The following NEK6 variants were observed in gnomAD, a reference collection of about 807,000 sequenced individuals.
NEK6 encodes the protein NIMA related kinase 6.
NEK6 carries 27 observed loss-of-function variants against 43.5 expected under a neutral mutation model. The ratio of observed to expected loss-of-function variants is 0.62; its 90% CI spans 0.46 to 0.86. NEK6 has a LOEUF of 0.86. Ranked by LOEUF, NEK6 falls within the 40% of genes least tolerant of loss-of-function variation. The probability of loss-of-function intolerance (pLI) is 0.00; values close to 1 mark genes in which losing one functional copy is unlikely to be tolerated. For missense variants in NEK6, 318 were observed against 414.4 expected (o/e 0.77, Z 2.02); for synonymous variants, 167 against 164.1 (o/e 1.02, Z -0.14).
chr9:124,310,026 C>G (rs554381478), intron 2 of NEK6, among the ~76,000 whole-genome samples: 1 of 152,260 alleles, frequency 6.6e-6, no homozygotes, highest in African/African-American at 2.4e-5. Context: ...GAGGCTGGAG[C>G]AGGAAGTGGC....
intron 1 of NEK6, among the ~76,000 whole-genome samples, chr9:124,276,212 A>G (rs572722425): frequency 1.3e-5 from 2 of 152,252 alleles, no homozygotes; most frequent in African/African-American, 4.8e-5. Context: ...ATCAGGGAGT[A>G]AAGAATTCTG....
At chr9:124,332,701 G>A (rs1371467539) in intron 7 of NEK6, among the ~76,000 whole-genome samples, 6 of 152,144 alleles carry the variant, frequency 3.9e-5, no homozygotes, top group African/African-American at 4.8e-5. Flanking sequence ...TTCAAACACC[G>A]AGAGCATTTC....
At chr9:124,322,341 C>T (rs1201041556) in intron 5 of NEK6, among the ~76,000 whole-genome samples, 19 of 152,326 alleles carry the variant, frequency 1.2e-4, no homozygotes, top group Non-Finnish European at 4.4e-5. Flanking sequence ...TCACCTGCCT[C>T]ATCCCACCAC....
At chr9:124,308,559 G>A (rs1211670894) in intron 2 of NEK6, among the ~76,000 whole-genome samples, 2 of 152,132 alleles carry the variant, frequency 1.3e-5, no homozygotes, top group Non-Finnish European at 2.9e-5. Flanking sequence ...GGGAGGCTGA[G>A]GCAGGAGAAT....
chr9:124,312,661 AC>A lies in NEK6; in HGVS notation c.231+15del. 1 of 1,607,796 alleles carries A rather than the reference AC, an allele frequency of 6.2e-7. No homozygotes were observed. Among genetic ancestry groups the A allele is most frequent in the Non-Finnish European group, 8.5e-7 (1 of 1,175,570 alleles). On this transcript the variant is annotated intron_variant, in intron 3 of 9. Coordinates refer to ENST00000320246, the MANE Select transcript of NEK6 (RefSeq NM_014397.6). Reference sequence around the variant, plus strand: ...TGAAGAAGGTGCAGGTGAGCTGACAACCCGTGGGGTCAAACCTGCATCTCGG... The same window carrying A: ...TGAAGAAGGTGCAGGTGAGCTGACAACCGTGGGGTCAAACCTGCATCTCGG...
At chr9:124,301,902 G>T (rs1373435037) in intron 1 of NEK6, 34 bp from the exon 2 acceptor site, 6 of 1,517,012 alleles carry the variant, frequency 4.0e-6, no homozygotes, top group South Asian at 1.2e-5. Flanking sequence ...GGGTCTCAAA[G>T]AGAAAGTGAA....
intron 1 of NEK6, among the ~76,000 whole-genome samples, chr9:124,283,539 G>C (rs1588456579): frequency 6.6e-6 from 1 of 152,208 alleles, no homozygotes; most frequent in South Asian, 2.1e-4. Flanking sequence ...GTCATGTGCA[G>C]GGAGCCCTGG....
intron 9 of NEK6, among the ~76,000 whole-genome samples, chr9:124,349,877 C>A (rs961876686): frequency 1.3e-5 from 2 of 152,224 alleles, no homozygotes; most frequent in African/African-American, 2.4e-5. Flanking sequence ...AAGGCATGCA[C>A]GCAGGTGCGA....
At chr9:124,348,812 T>C (rs1342892639) in intron 9 of NEK6, among the ~76,000 whole-genome samples, 5 of 152,238 alleles carry the variant, frequency 3.3e-5, no homozygotes, top group African/African-American at 9.6e-5. Context: ...CTCACGATAA[T>C]AACAGCTCAT....
intron 3 of NEK6, 103 bp downstream of exon 3, chr9:124,312,752 G>A (rs1001755015): frequency 2.1e-5 from 25 of 1,195,354 alleles, no homozygotes; most frequent in African/African-American, 3.1e-5. Flanking sequence ...TTCTGTGAAC[G>A]AGGGAAACAG....
chr9:124,292,876 G>A, intron 1 of NEK6: 1 of 1,468,624 alleles, frequency 6.8e-7, no homozygotes, highest in Non-Finnish European at 9.0e-7. Flanking sequence ...ATTAGAGACA[G>A]CACGGGGGAG....
At chr9:124,268,778 G>A (rs990444218) in intron 1 of NEK6, among the ~76,000 whole-genome samples, 40 of 152,324 alleles carry the variant, frequency 2.6e-4, no homozygotes, top group African/African-American at 1.9e-4. Context: ...GTGAGATCGC[G>A]TGGTTGGCTA....
At chr9:124,348,192 G>A (rs912836831) in intron 9 of NEK6, among the ~76,000 whole-genome samples, 2 of 152,200 alleles carry the variant, frequency 1.3e-5, no homozygotes, top group African/African-American at 4.8e-5. Context: ...TGGCAGGCCT[G>A]GCGTCCCCAT....
chr9:124,321,677 G>A (rs975743641), intron 5 of NEK6, 108 bp downstream of exon 5: 15 of 725,984 alleles, frequency 2.1e-5, no homozygotes, highest in East Asian at 1.1e-4. Flanking sequence ...AGCCAGAGGC[G>A]GCCACCCGGG....
At chr9:124,300,242 C>G (rs2119122780) in intron 1 of NEK6, 1 of 152,336 alleles carries the variant, frequency 6.6e-6, no homozygotes, top group East Asian at 1.9e-4. Context: ...GGTCGGCCCA[C>G]CACTGTGGCT....
At chr9:124,335,817 A>G (rs1404749247) in intron 7 of NEK6, among the ~76,000 whole-genome samples, 2 of 152,376 alleles carry the variant, frequency 1.3e-5, no homozygotes, top group East Asian at 1.9e-4. Context: ...CCATTAAGAT[A>G]AGAAAAACAA....
intron 1 of NEK6, among the ~76,000 whole-genome samples, chr9:124,281,961 A>G (rs1831932804): frequency 6.6e-6 from 1 of 152,200 alleles, no homozygotes; most frequent in Non-Finnish European, 1.5e-5. Context: ...TACCCCAGAC[A>G]CAGAAGTGGA....
chr9:124,272,098 A>T (rs758707271), intron 1 of NEK6, among the ~76,000 whole-genome samples: 1 of 152,202 alleles, frequency 6.6e-6, no homozygotes, highest in Non-Finnish European at 1.5e-5. Flanking sequence ...TATAGTCCTC[A>T]GTTCCACGCC....
chr9:124,322,513 G>T (rs575614733), intron 5 of NEK6, among the ~76,000 whole-genome samples: 6 of 152,282 alleles, frequency 3.9e-5, no homozygotes, highest in Admixed American at 2.6e-4. Flanking sequence ...GAGAGGTCTA[G>T]TCTCCTGCCC....
Sources: allele counts gnomAD v4.1 joint callset (sites outside exome capture counted in the v4.1 genomes callset), GRCh38; gene constraint gnomAD v4.1.1; transcripts MANE v1.5; gene names NCBI Gene and HGNC (gene_info 2026-07-23, HGNC 2026-07-21).